CMSS1: variants seen among roughly 807,000 people sequenced by gnomAD.
CMSS1 encodes protein CMSS1.
CMSS1 carries 33 observed loss-of-function variants against 43.5 expected under a neutral mutation model. The ratio of observed to expected loss-of-function variants is 0.76; its 90% CI spans 0.57 to 1.01. The LOEUF (loss-of-function observed/expected upper bound fraction) is 1.01, where lower values mean the gene tolerates loss of function less well. CMSS1 is among the 50% of genes least tolerant of loss of function. CMSS1 has a pLI of 0.00. For synonymous variants in CMSS1, 115 were observed against 117.2 expected, an observed-to-expected ratio of 0.98 and a Z score of 0.12; for missense variants, 313 against 326.4, an observed-to-expected ratio of 0.96 and a Z score of 0.32.
chr3:99,928,708 A>T (rs1044191630), intron 1 of CMSS1, among the ~76,000 whole-genome samples: 1 of 152,224 alleles, frequency 6.6e-6, no homozygotes, highest in African/African-American at 2.4e-5. Flanking sequence ...GGTTATGTTC[A>T]GAGATCATTA....
chr3:99,912,238 A>G (rs531303766), intron 1 of CMSS1, among the ~76,000 whole-genome samples: 51 of 152,338 alleles, frequency 3.3e-4, no homozygotes, highest in African/African-American at 1.1e-3. Flanking sequence ...GAAAGAAAAC[A>G]GGGACAAATA....
At chr3:99,958,149 C>T (rs115212979) in intron 1 of CMSS1, among the ~76,000 whole-genome samples, 11,186 of 148,502 alleles carry the variant, frequency 0.075, 534 homozygotes, top group Admixed American at 0.11. Context: ...GAATCTGTGC[C>T]GTGGTGGTTT....
At chr3:100,175,822 T>C (rs577596927) in intron 8 of CMSS1, among the ~76,000 whole-genome samples, 1 of 152,252 alleles carries the variant, frequency 6.6e-6, no homozygotes, top group South Asian at 2.1e-4. Context: ...CATTAAGTGA[T>C]TTACCAACCT....
intron 1 of CMSS1, chr3:100,011,770 C>G (rs1399558749): frequency 6.6e-6 from 1 of 152,148 alleles, no homozygotes. Flanking sequence ...TAGGGATGAC[C>G]TCTGCTCTGT....
rs1025067599 is a variant in CMSS1, at chr3:100,110,869, A to G, written c.65-36104A>G. ...GAAAATTGTCTGATCTGATGTGACA[A>G]TGTTTTATGTTGCTAGGCTGGTGGT... On this transcript the variant is annotated intron_variant, in intron 1 of 9. Transcript: ENST00000421999. 4.6e-5 allele frequency among the ~76,000 whole-genome samples: 7 copies of G among 152,154 alleles called. No homozygotes were observed. In the East Asian group the frequency reaches 1.2e-3, roughly 25 times the overall value.
chr3:99,931,364 T>C (rs1290169294), intron 1 of CMSS1, among the ~76,000 whole-genome samples: 1 of 151,732 alleles, frequency 6.6e-6, no homozygotes, highest in African/African-American at 2.4e-5. Context: ...CCTAAGTGCT[T>C]GCTTAAGACG....
chr3:100,147,543 G>A (rs1406089101), intron 2 of CMSS1, among the ~76,000 whole-genome samples: 1 of 151,916 alleles, frequency 6.6e-6, no homozygotes, highest in African/African-American at 2.4e-5. Flanking sequence ...AAAGTGCTGG[G>A]ATTACAGGTG....
intron 1 of CMSS1, among the ~76,000 whole-genome samples, chr3:99,879,796 A>G (rs2107600361): frequency 6.6e-6 from 1 of 152,322 alleles, no homozygotes; most frequent in South Asian, 2.1e-4. Flanking sequence ...GTACAAAGAA[A>G]AACAGCAAGA....
chr3:99,901,984 G>GT (rs542857966), intron 1 of CMSS1, among the ~76,000 whole-genome samples: 19 of 152,106 alleles, frequency 1.2e-4, no homozygotes, highest in Middle Eastern at 3.4e-3. Flanking sequence ...AACACAGAGT[G>GT]TTTTTTTCAT....
chr3:99,936,996 G>A (rs1707698109), intron 1 of CMSS1, among the ~76,000 whole-genome samples: 1 of 151,990 alleles, frequency 6.6e-6, no homozygotes, highest in African/African-American at 2.4e-5. Context: ...GGAGTGCAGT[G>A]GCGTGATCTC....
At chr3:100,023,491 C>T (rs148118775) in intron 1 of CMSS1, 146 of 152,478 alleles carry the variant, frequency 9.6e-4, no homozygotes, top group African/African-American at 3.1e-3. Context: ...AGAAATGCTC[C>T]GAGTCTATAA....
chr3:99,965,514 A>C (rs1403594887), intron 1 of CMSS1, among the ~76,000 whole-genome samples: 1 of 152,096 alleles, frequency 6.6e-6, no homozygotes, highest in Non-Finnish European at 1.5e-5. Context: ...AATTTCTTCC[A>C]GATACTTTTC....
At chr3:99,930,760 C>T (rs570555872) in intron 1 of CMSS1, 2 of 1,612,508 alleles carry the variant, frequency 1.2e-6, no homozygotes, top group East Asian at 4.5e-5. Context: ...TAACTCCAAC[C>T]CAGCTGACCT....
At chr3:100,028,242 C>G (rs752200159) in intron 1 of CMSS1, among the ~76,000 whole-genome samples, 14 of 152,182 alleles carry the variant, frequency 9.2e-5, no homozygotes, top group Admixed American at 2.0e-4. Flanking sequence ...CTCAGACACA[C>G]TGAAGCTAAG....
intron 1 of CMSS1, among the ~76,000 whole-genome samples, chr3:99,864,641 A>G (rs1320645379): frequency 6.6e-6 from 1 of 151,992 alleles, no homozygotes; most frequent in Non-Finnish European, 1.5e-5. Context: ...GTTCATTCCC[A>G]TGCTTTCTGC....
intron 1 of CMSS1, among the ~76,000 whole-genome samples, chr3:99,949,715 A>G (rs1311784082): frequency 2.0e-5 from 3 of 152,246 alleles, no homozygotes; most frequent in Non-Finnish European, 4.4e-5. Context: ...GAGTTGCACA[A>G]TGAAATATTT....
At chr3:99,855,564 G>A (rs555114489) in intron 1 of CMSS1, among the ~76,000 whole-genome samples, 77 of 152,258 alleles carry the variant, frequency 5.1e-4, no homozygotes, top group African/African-American at 1.6e-3. Flanking sequence ...AAGCCTGTGC[G>A]ATTTCCCCAC....
At chr3:99,875,078 T>A (rs981292326) in intron 1 of CMSS1, among the ~76,000 whole-genome samples, 1 of 152,250 alleles carries the variant, frequency 6.6e-6, no homozygotes, top group African/African-American at 2.4e-5. Context: ...TTACAATATA[T>A]GTTTAGACCA....
intron 1 of CMSS1, among the ~76,000 whole-genome samples, chr3:100,100,310 G>T (rs928644885): frequency 3.3e-5 from 5 of 152,096 alleles, no homozygotes; most frequent in Admixed American, 6.6e-5. Context: ...AAATGTAGTA[G>T]TCCCAAAAAT....
Sources: gnomAD v4.1 joint callset for allele counts (sites outside exome capture counted in the v4.1 genomes callset) on GRCh38, gnomAD v4.1.1 for gene constraint, MANE v1.5 for transcripts, NCBI Gene and HGNC (gene_info 2026-07-23, HGNC 2026-07-21) for gene names.